The following AMPH variants were observed in gnomAD, a reference collection of about 807,000 sequenced individuals.
The protein encoded by AMPH is amphiphysin (Stiff-Mann syndrome with breast cancer 128kD autoantigen).
AMPH carries 49 observed loss-of-function variants against 99.1 expected under a neutral mutation model. The observed-to-expected ratio is 0.49, with a 90% confidence interval of 0.39 to 0.63. The LOEUF is 0.63. Among genes scored for constraint, AMPH ranks in the 20% least tolerant of loss-of-function variants. The pLI is 0.00. For synonymous variants in AMPH, 314 were observed against 317.3 expected (o/e 0.99, Z 0.11); for missense variants, 759 against 863.4 (o/e 0.88, Z 1.52).
At chr7:38,517,690 T>C (rs965592955) in intron 2 of AMPH, among the ~76,000 whole-genome samples, 6 of 152,122 alleles carry the variant, frequency 3.9e-5, no homozygotes, top group Non-Finnish European at 8.8e-5. Context: ...TATAGTGGAA[T>C]GCTAGAGAAA....
At chr7:38,438,431 T>C (rs1786374175) in intron 11 of AMPH, among the ~76,000 whole-genome samples, 1 of 152,210 alleles carries the variant, frequency 6.6e-6, no homozygotes. Context: ...TTGGTACCTC[T>C]GACTCCAATG....
chr7:38,436,432 T>G (rs199880877), intron 11 of AMPH, 44 bp from the exon 12 acceptor site: 2 of 1,415,506 alleles, frequency 1.4e-6, no homozygotes, highest in East Asian at 2.3e-5. Flanking sequence ...TGTATTAGCT[T>G]GAATCTGATA....
chr7:38,459,657 C>T (rs1462477133), intron 11 of AMPH, among the ~76,000 whole-genome samples: 1 of 151,972 alleles, frequency 6.6e-6, no homozygotes. Context: ...AAAAATAAAA[C>T]TGGATCCCTG....
chr7:38,568,566 G>T (rs1791829519), intron 1 of AMPH, among the ~76,000 whole-genome samples: 2 of 152,212 alleles, frequency 1.3e-5, no homozygotes, highest in Admixed American at 1.3e-4. Context: ...ATCACACATG[G>T]CTGCTGAACT....
intron 3 of AMPH, among the ~76,000 whole-genome samples, chr7:38,498,850 G>A (rs1015431801): frequency 2.0e-4 from 30 of 152,112 alleles, no homozygotes; most frequent in Admixed American, 3.9e-4. Flanking sequence ...TTATATAAAT[G>A]CTGCTGCCTT....
chr7:38,405,601 A>G (rs1023245563), intron 17 of AMPH, among the ~76,000 whole-genome samples: 2 of 152,146 alleles, frequency 1.3e-5, no homozygotes, highest in Non-Finnish European at 1.5e-5. Flanking sequence ...AAAGACAAAG[A>G]CAGCATTATA....
chr7:38,578,661 T>A (rs1424251389), intron 1 of AMPH, among the ~76,000 whole-genome samples: 1 of 152,068 alleles, frequency 6.6e-6, no homozygotes, highest in Non-Finnish European at 1.5e-5. Flanking sequence ...CCTAGCTACT[T>A]GGGAGGCTAA....
chr7:38,389,059 T>C (rs902253085), intron 20 of AMPH, among the ~76,000 whole-genome samples: 8 of 152,244 alleles, frequency 5.3e-5, no homozygotes, highest in Non-Finnish European at 1.0e-4. Flanking sequence ...GTTGAACATA[T>C]TAAGTCTTAA....
At chr7:38,426,795 A>G (rs776621235) in intron 15 of AMPH, among the ~76,000 whole-genome samples, 159 bp downstream of exon 15, 1 of 152,206 alleles carries the variant, frequency 6.6e-6, no homozygotes, top group Admixed American at 6.6e-5. Flanking sequence ...TGTTGCTACT[A>G]TTCTGTTTCC....
intron 1 of AMPH, among the ~76,000 whole-genome samples, chr7:38,601,906 A>G (rs2129061659): frequency 6.6e-6 from 1 of 152,332 alleles, no homozygotes; most frequent in South Asian, 2.1e-4. Context: ...GATCCTATAA[A>G]GAACCCCAGA....
intron 1 of AMPH, among the ~76,000 whole-genome samples, chr7:38,558,390 C>T (rs112340644): frequency 2.0e-4 from 31 of 152,290 alleles, no homozygotes; most frequent in African/African-American, 7.5e-4. Context: ...AAAGAGAGAG[C>T]CTTTGGCAAT....
At chr7:38,472,807 C>T (rs7811148) in intron 7 of AMPH, among the ~76,000 whole-genome samples, 93,200 of 151,976 alleles carry the variant, frequency 0.61, 29,180 homozygotes, top group African/African-American at 0.73. Flanking sequence ...ATTTATACTG[C>T]GTATGACCAG....
At chr7:38,568,936 C>T (rs759073128) in intron 1 of AMPH, among the ~76,000 whole-genome samples, 3 of 152,082 alleles carry the variant, frequency 2.0e-5, no homozygotes, top group Non-Finnish European at 4.4e-5. Flanking sequence ...ATGGGTGATA[C>T]AGATGCTATT....
chr7:38,445,338 C>A (rs1320750128), intron 11 of AMPH, among the ~76,000 whole-genome samples: 1 of 151,844 alleles, frequency 6.6e-6, no homozygotes. Flanking sequence ...AAGAGAAAAC[C>A]TTGCGATTTT....
intron 11 of AMPH, among the ~76,000 whole-genome samples, chr7:38,451,263 G>A (rs1787004878): frequency 7.0e-6 from 1 of 142,978 alleles, no homozygotes; most frequent in Non-Finnish European, 1.5e-5. Context: ...ACATATTTAT[G>A]TGTGCATATA....
rs1300441455 is a variant in AMPH at position 38,601,956 on chromosome 7, C to A, written c.69+29327G>T. Reference sequence around the variant, plus strand: ...CTGTGTATTGCTCAGATCCCAAAAGCAAAACCATAACTACCTGTGGGTATC... The same window carrying A: ...CTGTGTATTGCTCAGATCCCAAAAGAAAAACCATAACTACCTGTGGGTATC... On this transcript the variant is annotated intron_variant, in intron 1 of 20. Coordinates refer to ENST00000356264, the MANE Select transcript of AMPH (RefSeq NM_001635.4). 2.6e-5 allele frequency among the ~76,000 whole-genome samples: 4 copies of A among 152,172 alleles called. No homozygotes were observed. In the East Asian group the frequency reaches 7.7e-4, roughly 29 times the overall value.
At chr7:38,484,734 C>G (rs1417211442) in intron 5 of AMPH, among the ~76,000 whole-genome samples, 5 of 151,948 alleles carry the variant, frequency 3.3e-5, no homozygotes, top group African/African-American at 1.2e-4. Context: ...AAATCACTTT[C>G]AATTCTAGTA....
At chr7:38,483,582 G>A (rs1420993766) in intron 5 of AMPH, among the ~76,000 whole-genome samples, 2 of 152,080 alleles carry the variant, frequency 1.3e-5, no homozygotes, top group Non-Finnish European at 2.9e-5. Flanking sequence ...ATGCCTAGGG[G>A]GTGCTAAGAA....
At chr7:38,455,137 C>T (rs558494259) in intron 11 of AMPH, among the ~76,000 whole-genome samples, 25 of 151,612 alleles carry the variant, frequency 1.6e-4, no homozygotes, top group African/African-American at 2.2e-4. Flanking sequence ...TGGAGTGCAA[C>T]GGCACAATCT....
Sources: gnomAD v4.1 joint callset for allele counts (sites outside exome capture counted in the v4.1 genomes callset) on GRCh38, gnomAD v4.1.1 for gene constraint, MANE v1.5 for transcripts, NCBI Gene and HGNC (gene_info 2026-07-23, HGNC 2026-07-21) for gene names.